The following HDAC10 variants were observed in gnomAD, a reference collection of about 807,000 sequenced individuals.
HDAC10 encodes histone deacetylase 10, also known as polyamine deacetylase HDAC10.
A neutral mutation model predicts 82.3 loss-of-function variants in HDAC10; 90 were observed. The ratio of observed to expected loss-of-function variants is 1.09; its 90% CI spans 0.92 to 1.30. HDAC10 has a LOEUF of 1.30. Ranked by LOEUF, HDAC10 falls within the 50% of genes most tolerant of loss-of-function variation. The pLI is 0.00. For synonymous variants in HDAC10, 456 were observed against 391.7 expected, an observed-to-expected ratio of 1.16 and a Z score of -1.94; for missense variants, 934 against 876.3, an observed-to-expected ratio of 1.07 and a Z score of -0.83.
chr22:50,245,526 TG>T lies in HDAC10; in HGVS notation c.1990del (p.His664IlefsTer108). On this transcript the variant is annotated frameshift_variant, in exon 20 of 20. Transcript: ENST00000216271. LOFTEE classifies it high-confidence loss of function. ...LEPQWKMLQC[H>X]PHLVA ...CCGATTTCAAGCCACCAGGTGAGGA[TG>T]GCACTACAGGAGGAGCCGAGAAGAG... The T allele has an allele frequency of 1.1e-6, 1 of 939,212 alleles. No individual in the cohort carries two copies. Among genetic ancestry groups the T allele is most frequent in the Non-Finnish European group, 1.8e-6 (1 of 565,576 alleles). 58.2% of individuals were successfully genotyped at this position (939,212 alleles called of 1,614,324 possible).
chr22:50,249,600 C>T lies in HDAC10; in HGVS notation c.563+35G>A. 1.2e-6 allele frequency: 2 copies of T among 1,611,962 alleles called. No homozygotes were observed. The highest frequency in any genetic ancestry group is 1.7e-6 in the Non-Finnish European group (2 of 1,179,232). ...CAGGCTGTGCACCCAAAAACTGGGG[C>T]TGCAGGGAAGGGTGGTTTCCGCACC... On this transcript the variant is annotated intron_variant, in intron 6 of 19. Transcript: ENST00000216271. The surrounding 1 kb of genome is among the most constrained non-coding windows in gnomAD (Gnocchi z 4.4).
In HDAC10 at chr22:50,249,725, G is replaced by A. The variant is rs1207092827; in HGVS notation, c.495-22C>T. The A allele has an allele frequency of 6.2e-7, 1 of 1,612,348 alleles. No individual in the cohort carries two copies. The highest frequency in any genetic ancestry group is 8.5e-7 in the Non-Finnish European group (1 of 1,179,730). ...GATCCTGGGTACAGACAGCGCTGGT[G>A]GCAAAGGGGCAGGGCCTCCCACCTC... is the stretch of plus-strand genomic sequence containing the variant. On this transcript the variant is annotated intron_variant, in intron 5 of 19. Transcript: ENST00000216271. The surrounding 1 kb of genome is among the most constrained non-coding windows in gnomAD (Gnocchi z 4.4).
chr22:50,247,767 C>T lies in HDAC10; in HGVS notation c.1347G>A (p.Glu449=), dbSNP rs1250802904. 5 of 1,609,526 alleles carry T rather than the reference C, an allele frequency of 3.1e-6. No homozygotes were observed. Among genetic ancestry groups the T allele is most frequent in the Admixed American group, 3.3e-5 (2 of 59,934 alleles). The change falls in exon 14 of 20, where the codon GAG becomes GAA. Residue 449 remains glutamate, a synonymous_variant. Coordinates refer to ENST00000216271, the MANE Select transcript of HDAC10 (RefSeq NM_032019.6). Reference sequence around the variant, plus strand: ...TGAGGGCCTCCTCCCGGGCCAGGGACTCGTGTGGCCTGTGGTGGACAGACC... The same window carrying T: ...TGAGGGCCTCCTCCCGGGCCAGGGATTCGTGTGGCCTGTGGTGGACAGACC... The part of the protein sequence containing the change: ...EETEAWARPH[E]SLAREEALTA...
Position 50,248,646 on chromosome 22 carries a change from T to G in HDAC10, c.906+16A>C. 6.1e-6 allele frequency: 9 copies of G among 1,487,098 alleles called. No individual in the cohort carries two copies. The highest frequency in any genetic ancestry group is 7.2e-6 in the Non-Finnish European group (8 of 1,116,212). The allele number at this position is 1,487,098 out of a possible 1,614,324, so 92.1% of individuals were successfully genotyped here. ...CTCTGGCCCAGAGACCCTCCCTGTGTGCCCTCCCCAGTCACCTCCAGCACG... is the reference window on the plus strand; with the variant it reads ...CTCTGGCCCAGAGACCCTCCCTGTGGGCCCTCCCCAGTCACCTCCAGCACG... On this transcript the variant is annotated intron_variant, in intron 10 of 19. Transcript: ENST00000216271. The surrounding 1 kb of genome is among the most constrained non-coding windows in gnomAD (Gnocchi z 5.4).
Position 50,246,700 on chromosome 22 carries a change from G to A in HDAC10, c.1550C>T (p.Pro517Leu), listed in dbSNP as rs1174485895. 4.3e-6 allele frequency: 7 copies of A among 1,611,702 alleles called. No individual in the cohort carries two copies. The highest frequency in any genetic ancestry group is 5.9e-6 in the Non-Finnish European group (7 of 1,179,930). ...LCVALGQLDR[P>L]PDLAHDGRSL... ...CTACCCGTCATGGGCGAGGTCTGGA[G>A]GCCGGTCCAGCTGTCCCAGGGCCAC... The change falls in exon 16 of 20, where the codon CCT becomes CTT. Residue 517 changes from proline (P) to leucine (L), a missense_variant. Coordinates refer to ENST00000216271, the MANE Select transcript of HDAC10 (RefSeq NM_032019.6).
At position 50,250,529 on chromosome 22, in the gene HDAC10, T is replaced by C; in HGVS notation, c.195-6A>G. 1 of 1,607,920 alleles carries C rather than the reference T, an allele frequency of 6.2e-7. No individual in the cohort carries two copies. The highest frequency in any genetic ancestry group is 8.5e-7 in the Non-Finnish European group (1 of 1,177,000). ...CCAGGGATACATACTCTGGGCTGCA[T>C]GCAGATGGGCAGGCAGGAGAGGCAG... On this transcript the variant is annotated splice_polypyrimidine_tract_variant and splice_region_variant and intron_variant, in intron 2 of 19. Coordinates refer to ENST00000216271, the MANE Select transcript of HDAC10 (RefSeq NM_032019.6).
At chr22:50,247,441 T>C (rs1400241953) in intron 14 of HDAC10, 3 of 435,738 alleles carry the variant, frequency 6.9e-6, no homozygotes, top group Non-Finnish European at 1.2e-5. Flanking sequence ...CCTAAATGTA[T>C]ACTTTAAATC....
chr22:50,249,228 G>GC lies in HDAC10; in HGVS notation c.691-61_691-60insG. The stretch of plus-strand genomic sequence containing the variant: ...GGGGCAGGGGAGGGGCCCGGGGGAG[G>GC]GGGTGGGTGGGGACCTGGGGCTTGA... On this transcript the variant is annotated intron_variant, in intron 7 of 19. Coordinates refer to ENST00000216271, the MANE Select transcript of HDAC10 (RefSeq NM_032019.6). This position sits in a 1 kb window ranked among gnomAD's most constrained non-coding sequence, Gnocchi z 4.4. The GC allele has an allele frequency of 7.4e-7, 1 of 1,349,256 alleles. No individual in the cohort carries two copies. The highest frequency in any genetic ancestry group is 1.0e-6 in the Non-Finnish European group (1 of 971,026). The allele number at this position is 1,349,256 out of a possible 1,614,324, so 83.6% of individuals were successfully genotyped here. A position where few individuals can be genotyped will look rare whatever the true frequency, so the allele number is the denominator to read the frequency against.
chr22:50,247,840 C>T (rs373060005), intron 13 of HDAC10, 50 bp downstream of exon 13: 1 of 1,612,678 alleles, frequency 6.2e-7, no homozygotes, highest in Non-Finnish European at 8.5e-7. Context: ...CACACACAGG[C>T]ACAGGTGTAG....
In HDAC10 at chr22:50,248,441, G is replaced by C. The variant is rs2065007808; in HGVS notation, c.938C>G (p.Ser313Ter). Residue 313 changes from serine (S) to a stop codon, truncating the protein, a stop_gained, in exon 11 of 20, where the codon TCA becomes TGA. Transcript: ENST00000216271. LOFTEE classifies it high-confidence loss of function. The surrounding 1 kb of genome is among the most constrained non-coding windows in gnomAD (Gnocchi z 5.4). The stretch of plus-strand genomic sequence containing the variant: ...CAGCGTCTGTACTGTCATGCACACT[G>C]ACTCCGCCAGTGACTCCAGGTGGTA... ...GGYHLESLAE[S>*]VCMTVQTLLG... 6.2e-7 allele frequency: 1 copy of C among 1,607,852 alleles called. No homozygotes were observed. The highest frequency in any genetic ancestry group is 8.5e-7 in the Non-Finnish European group (1 of 1,179,846).
At position 50,248,828 on chromosome 22, in the gene HDAC10, C is replaced by T. The variant is rs2065016500; in HGVS notation, c.816+3G>A. 6.2e-7 allele frequency: 1 copy of T among 1,610,404 alleles called. No individual in the cohort carries two copies. The highest frequency in any genetic ancestry group is 8.5e-7 in the Non-Finnish European group (1 of 1,178,952). ...GCCCTCCCTGGCAAGGCAAGGCCCT[C>T]ACCTCAGGGTCCCCGATGGCTGAGT... On this transcript the variant is annotated splice_donor_region_variant and intron_variant, in intron 9 of 19. Coordinates refer to ENST00000216271, the MANE Select transcript of HDAC10 (RefSeq NM_032019.6). This position sits in a 1 kb window ranked among gnomAD's most constrained non-coding sequence, Gnocchi z 5.4.
Position 50,250,992 on chromosome 22 carries a change from G to A in HDAC10, c.41C>T (p.Thr14Ile), listed in dbSNP as rs1429968971. ...CACTTACTCGTCCCAGAGCAGCCGG[G>A]TGGCCGTCATGTCCTCATGGTACAC... The part of the protein sequence containing the change: ...ALVYHEDMTA[T>I]RLLWDDPECE... Residue 14 changes from threonine (T) to isoleucine (I), a missense_variant, in exon 1 of 20, where the codon ACC becomes ATC. Physicochemically the swap from Thr to Ile is moderately conservative, Grantham distance 89 (BLOSUM62 -1). Transcript: ENST00000216271. 1.3e-5 allele frequency: 21 copies of A among 1,612,476 alleles called. No homozygotes were observed. The highest frequency in any genetic ancestry group is 1.7e-5 in the Non-Finnish European group (20 of 1,179,766).
At position 50,249,843 on chromosome 22, in the gene HDAC10, G is replaced by A; in HGVS notation, c.494+17C>T. The A allele has an allele frequency of 6.2e-7, 1 of 1,609,888 alleles. No homozygotes were observed. The highest frequency in any genetic ancestry group is 8.5e-7 in the Non-Finnish European group (1 of 1,177,712). ...TGTGGCCTGGGCCCACCCCCCTGCAGCCAGCCTGGCACACACCTGTGTAGC... is the reference window on the plus strand; with the variant it reads ...TGTGGCCTGGGCCCACCCCCCTGCAACCAGCCTGGCACACACCTGTGTAGC... On this transcript the variant is annotated intron_variant, in intron 5 of 19. Transcript: ENST00000216271. This position sits in a 1 kb window ranked among gnomAD's most constrained non-coding sequence, Gnocchi z 4.4.
At position 50,250,413 on chromosome 22, in the gene HDAC10, C is replaced by G. The variant is rs774832251; in HGVS notation, c.291+14G>C. On this transcript the variant is annotated intron_variant, in intron 3 of 19. Transcript: ENST00000216271. ...TGTGTGTCTGCACAGGTGAGTGTGT[C>G]CGGGGACACGCACCGGGTGGAAGTA... 15 of 1,611,612 alleles carry G rather than the reference C, an allele frequency of 9.3e-6. No homozygotes were observed. Among genetic ancestry groups the G allele is most frequent in the Admixed American group, 3.3e-5 (2 of 59,992 alleles).
In HDAC10 at chr22:50,246,900, T is replaced by C. The variant is rs1416518589; in HGVS notation, c.1489A>G (p.Arg497Gly). Residue 497 changes from arginine to glycine, a missense_variant, in exon 15 of 20, where the codon AGA (arginine) becomes GGA (glycine). Coordinates refer to ENST00000216271, the MANE Select transcript of HDAC10 (RefSeq NM_032019.6). ...CTCTGGGCTCCGTGGGACAGGCCTC[T>C]CCGAACAGCCACATCCAGGGTGGCT... The part of the protein sequence containing the change: ...AAATLDVAVR[R>G]GLSHGAQRLL... The C allele has an allele frequency of 6.2e-7, 1 of 1,612,326 alleles. No individual in the cohort carries two copies. Among genetic ancestry groups the C allele is most frequent in the Non-Finnish European group, 8.5e-7 (1 of 1,179,386 alleles).
chr22:50,247,157 A>G (rs1601621821), intron 14 of HDAC10, 191 bp from the exon 15 acceptor site: 1 of 458,570 alleles, frequency 2.2e-6, no homozygotes, highest in East Asian at 3.6e-5. Flanking sequence ...TTTTTTTTAG[A>G]GAGGCAGGGT....
Position 50,248,778 on chromosome 22 carries a change from G to A in HDAC10, c.817-27C>T. ...TGGAACCAGAGCCATGTGTGATGGGGGACCTGGGCCCCAGGACCCCAGAAG... is the reference window on the plus strand; with the variant it reads ...TGGAACCAGAGCCATGTGTGATGGGAGACCTGGGCCCCAGGACCCCAGAAG... On this transcript the variant is annotated intron_variant, in intron 9 of 19. Coordinates refer to ENST00000216271, the MANE Select transcript of HDAC10 (RefSeq NM_032019.6). The surrounding 1 kb of genome is among the most constrained non-coding windows in gnomAD (Gnocchi z 5.4). The A allele has an allele frequency of 6.3e-7, 1 of 1,595,830 alleles. No individual in the cohort carries two copies. The highest frequency in any genetic ancestry group is 1.3e-5 in the African/African-American group (1 of 74,778).
Position 50,248,661 on chromosome 22 carries a change from C to T in HDAC10, c.906+1G>A. 4 of 1,502,878 alleles carry T rather than the reference C, an allele frequency of 2.7e-6. No individual in the cohort carries two copies. The highest frequency in any genetic ancestry group is 3.6e-6 in the Non-Finnish European group (4 of 1,123,292). The allele number at this position is 1,502,878 out of a possible 1,614,324, so 93.1% of individuals were successfully genotyped here. On this transcript the variant is annotated splice_donor_variant, in intron 10 of 19. Coordinates refer to ENST00000216271, the MANE Select transcript of HDAC10 (RefSeq NM_032019.6). LOFTEE classifies it high-confidence loss of function. The surrounding 1 kb of genome is among the most constrained non-coding windows in gnomAD (Gnocchi z 5.4). ...CCTCCCTGTGTGCCCTCCCCAGTCA[C>T]CTCCAGCACGGCACAGACCCGGCCG...
Position 50,249,548 on chromosome 22 carries a change from G to A in HDAC10, c.563+87C>T, listed in dbSNP as rs1199755966. 4 of 1,606,506 alleles carry A rather than the reference G, an allele frequency of 2.5e-6. No homozygotes were observed. In the Admixed American group the frequency reaches 5.0e-5, roughly 20 times the overall value. ...AACGCTGACCCCTGAGCACATGTCT[G>A]TATCTCACCCCTGGATTTTCCCAGG... is the stretch of plus-strand genomic sequence containing the variant. On this transcript the variant is annotated intron_variant, in intron 6 of 19. Transcript: ENST00000216271. This position sits in a 1 kb window ranked among gnomAD's most constrained non-coding sequence, Gnocchi z 4.4.
Sources: allele counts gnomAD v4.1 joint callset, GRCh38; gene constraint gnomAD v4.1.1; non-coding constraint Gnocchi (gnomAD v3.1); transcripts MANE v1.5; gene names NCBI Gene and HGNC (gene_info 2026-07-23, HGNC 2026-07-21).